The following ARFGEF3 variants were observed in gnomAD, a reference collection of about 807,000 sequenced individuals.
The protein encoded by ARFGEF3 is brefeldin A-inhibited guanine nucleotide-exchange protein 3.
Under a neutral mutation model 221.7 loss-of-function variants are expected in ARFGEF3, and 96 were observed. The ratio of observed to expected loss-of-function variants is 0.43; its 90% CI spans 0.37 to 0.51. ARFGEF3 has a LOEUF of 0.51. ARFGEF3 is among the 20% of genes least tolerant of loss of function. ARFGEF3 has a pLI of 0.00. For missense variants in ARFGEF3, 2,410 were observed against 2,789.9 expected, an observed-to-expected ratio of 0.86 and a Z score of 3.07; for synonymous variants, 1,145 against 1,126.8, an observed-to-expected ratio of 1.02 and a Z score of -0.32.
intron 4 of ARFGEF3, among the ~76,000 whole-genome samples, chr6:138,227,977 G>A (rs1778118201): frequency 6.6e-6 from 1 of 152,090 alleles, no homozygotes; most frequent in Admixed American, 6.5e-5. Context: ...TACTTACAGG[G>A]GCCTGGAAGA....
intron 12 of ARFGEF3, among the ~76,000 whole-genome samples, 188 bp from the exon 13 acceptor site, chr6:138,278,263 C>T (rs920978513): frequency 5.9e-5 from 9 of 152,168 alleles, no homozygotes; most frequent in Non-Finnish European, 7.3e-5. Context: ...CACTCCTGAG[C>T]GCATGCTCTT....
At position 138,283,222 on chromosome 6, in the gene ARFGEF3, C is replaced by T. The variant is rs553259897; in HGVS notation, c.2462-2724C>T. On this transcript the variant is annotated intron_variant, in intron 14 of 33. Coordinates refer to ENST00000251691, the MANE Select transcript of ARFGEF3 (RefSeq NM_020340.5). The stretch of plus-strand genomic sequence containing the variant: ...TGAGAATTTGGTTGAGGACCCTAAA[C>T]ATTCCAGCTTTCATTTGAGAAGACC... 2.0e-5 allele frequency among the ~76,000 whole-genome samples: 3 copies of T among 152,362 alleles called. No individual in the cohort carries two copies. The South Asian group carries it at 6.2e-4, about 32-fold the overall frequency.
At chr6:138,233,563 G>C (rs1778230611) in intron 5 of ARFGEF3, among the ~76,000 whole-genome samples, 1 of 152,062 alleles carries the variant, frequency 6.6e-6, no homozygotes, top group Admixed American at 6.6e-5. Flanking sequence ...ATTTTTAGTA[G>C]AGTTGGGATT....
In ARFGEF3 at chr6:138,286,797, A is replaced by C; in HGVS notation, c.2666A>C (p.Lys889Thr). The C allele has an allele frequency of 6.2e-7, 1 of 1,614,036 alleles. No individual in the cohort carries two copies. The highest frequency in any genetic ancestry group is 1.1e-5 in the South Asian group (1 of 91,084). ...PLTGRMAGSS[K>T]GLAFILGAEG... Reference sequence around the variant, plus strand: ...ACTGGTCGAATGGCGGGGAGCTCCAAAGGGCTGGCCTTCATTCTGGGAGCT... The same window carrying C: ...ACTGGTCGAATGGCGGGGAGCTCCACAGGGCTGGCCTTCATTCTGGGAGCT... The change falls in exon 16 of 34, where the codon AAA becomes ACA. Residue 889 changes from lysine (K) to threonine (T), a missense_variant. Physicochemically the swap from Lys to Thr is moderately conservative, Grantham distance 78 (BLOSUM62 -1). Coordinates refer to ENST00000251691, the MANE Select transcript of ARFGEF3 (RefSeq NM_020340.5).
intron 2 of ARFGEF3, among the ~76,000 whole-genome samples, chr6:138,193,868 T>A (rs981497588): frequency 6.6e-6 from 1 of 152,214 alleles, no homozygotes; most frequent in African/African-American, 2.4e-5. Flanking sequence ...TTGTTTTGCT[T>A]TTAAGTTACC....
At chr6:138,169,575 T>C (rs1238002249) in intron 1 of ARFGEF3, among the ~76,000 whole-genome samples, 2 of 152,222 alleles carry the variant, frequency 1.3e-5, no homozygotes, top group Non-Finnish European at 2.9e-5. Context: ...ACTGGTGGGC[T>C]GCACTGGCCT....
At chr6:138,205,320 C>CTA (rs1290306801) in intron 2 of ARFGEF3, among the ~76,000 whole-genome samples, 2 of 152,164 alleles carry the variant, frequency 1.3e-5, no homozygotes, top group African/African-American at 4.8e-5. Flanking sequence ...TTGTTCCCTG[C>CTA]TATTATGCCC....
At chr6:138,229,637 G>A in intron 4 of ARFGEF3, 147 bp from the exon 5 acceptor site, 9 of 631,188 alleles carry the variant, frequency 1.4e-5, no homozygotes, top group South Asian at 1.3e-4. Context: ...TAATGAGAAA[G>A]CAGTGGGTGG....
chr6:138,316,482 TATAAC>T (rs1278842461), intron 26 of ARFGEF3, among the ~76,000 whole-genome samples: 3 of 152,166 alleles, frequency 2.0e-5, no homozygotes, highest in African/African-American at 7.2e-5. Context: ...AACAGAATAA[TATAAC>T]AGACTTATCA....
intron 12 of ARFGEF3, among the ~76,000 whole-genome samples, chr6:138,265,816 C>A (rs1477801760): frequency 2.6e-5 from 4 of 152,190 alleles, no homozygotes; most frequent in African/African-American, 9.6e-5. Context: ...TATTTTGTAA[C>A]AGGGTCTGAC....
chr6:138,255,915 A>G (rs2076271), intron 10 of ARFGEF3, 146 bp downstream of exon 10: 63,099 of 702,790 alleles, frequency 0.09, 4,658 homozygotes, highest in East Asian at 0.36. Context: ...TGCTGTCTCT[A>G]GAGTCAGTGC....
At chr6:138,212,576 CAT>C (rs1210749450) in intron 4 of ARFGEF3, among the ~76,000 whole-genome samples, 1 of 152,180 alleles carries the variant, frequency 6.6e-6, no homozygotes, top group Non-Finnish European at 1.5e-5. Context: ...CACATGCACA[CAT>C]ATGTTTATTG....
chr6:138,310,165 T>G (rs1284790142), intron 24 of ARFGEF3, among the ~76,000 whole-genome samples: 1 of 152,108 alleles, frequency 6.6e-6, no homozygotes, highest in Non-Finnish European at 1.5e-5. Flanking sequence ...CTCCAGGGAG[T>G]GCCATTCACA....
In ARFGEF3 at chr6:138,337,178, G is replaced by C. The variant is rs1375151865; in HGVS notation, c.*692G>C. ...AAGAAGAAAGTTCTTTCCTAGCAGG[G>C]TTTGAAGTCTGTGGCTTATCAGCCT... On this transcript the variant is annotated 3_prime_UTR_variant, in exon 34 of 34. Transcript: ENST00000251691. 1 of 152,618 alleles carries C rather than the reference G, an allele frequency of 6.6e-6. No homozygotes were observed. The highest frequency in any genetic ancestry group is 6.5e-5 in the Admixed American group (1 of 15,274). The allele number at this position is 152,618 out of a possible 1,614,324, so 9.5% of individuals were successfully genotyped here.
At chr6:138,307,126 A>T in intron 22 of ARFGEF3, 127 bp from the exon 23 acceptor site, 2 of 906,372 alleles carry the variant, frequency 2.2e-6, no homozygotes, top group South Asian at 3.5e-5. Flanking sequence ...GAGTTTGTCT[A>T]TTCTGGTTTT....
chr6:138,210,595 A>G (rs1451405215), intron 4 of ARFGEF3, among the ~76,000 whole-genome samples: 1 of 151,692 alleles, frequency 6.6e-6, no homozygotes, highest in African/African-American at 2.4e-5. Context: ...AAGAATCACC[A>G]TGATTGGGGG....
chr6:138,251,386 A>G (rs1326180130), intron 8 of ARFGEF3, among the ~76,000 whole-genome samples: 1 of 152,224 alleles, frequency 6.6e-6, no homozygotes, highest in Non-Finnish European at 1.5e-5. Flanking sequence ...ATTGGTCAGA[A>G]TGATTAACTG....
intron 22 of ARFGEF3, among the ~76,000 whole-genome samples, chr6:138,305,600 G>A (rs1779706669): frequency 7.2e-6 from 1 of 139,562 alleles, no homozygotes; most frequent in African/African-American, 2.7e-5. Context: ...ACAACAGAGT[G>A]AGACCCTGTC....
Position 138,229,864 on chromosome 6 carries a change from T to G in ARFGEF3, c.420+12T>G. On this transcript the variant is annotated intron_variant, in intron 5 of 33. Coordinates refer to ENST00000251691, the MANE Select transcript of ARFGEF3 (RefSeq NM_020340.5). ...TGAAGATCGCGGAGGTGAGTACTGC[T>G]TGTGTCTGTGCCTCCTGTTCACAGC... The G allele has an allele frequency of 6.2e-7, 1 of 1,611,432 alleles. No individual in the cohort carries two copies. The highest frequency in any genetic ancestry group is 8.5e-7 in the Non-Finnish European group (1 of 1,177,688).
Sources: allele counts gnomAD v4.1 joint callset (sites outside exome capture counted in the v4.1 genomes callset), GRCh38; gene constraint gnomAD v4.1.1; transcripts MANE v1.5; gene names NCBI Gene and HGNC (gene_info 2026-07-23, HGNC 2026-07-21).